The following VWA8 variants were observed in gnomAD, a reference collection of about 807,000 sequenced individuals.
VWA8 encodes von Willebrand factor A domain-containing protein 8.
In VWA8, 221 loss-of-function variants were observed where a neutral mutation model predicts 241.5. The ratio of observed to expected loss-of-function variants is 0.91; its 90% CI spans 0.82 to 1.02. VWA8 has a LOEUF of 1.02. Ranked by LOEUF, VWA8 falls within the 50% of genes least tolerant of loss-of-function variation. VWA8 has a pLI of 0.00. For synonymous variants in VWA8, 852 were observed against 827.1 expected (o/e 1.03, Z -0.52); for missense variants, 2,322 against 2,328.7 (o/e 1.00, Z 0.06).
In VWA8 at chr13:41,692,932, A is replaced by AG; in HGVS notation, c.3604dup (p.Leu1202ProfsTer14). Reference sequence around the variant, plus strand: ...CTCGGAAGGGAGGATGAGACGATGAAGGGCCCGGCCAGTAGTATCTAACAA... The same window carrying AG: ...CTCGGAAGGGAGGATGAGACGATGAAGGGGCCCGGCCAGTAGTATCTAACAA... On this transcript the variant is annotated frameshift_variant, in exon 30 of 45. Coordinates refer to ENST00000379310, the MANE Select transcript of VWA8 (RefSeq NM_015058.2). LOFTEE classifies it high-confidence loss of function. 1 of 1,611,008 alleles carries AG rather than the reference A, an allele frequency of 6.2e-7. No individual in the cohort carries two copies. The highest frequency in any genetic ancestry group is 8.5e-7 in the Non-Finnish European group (1 of 1,177,992).
At chr13:41,853,075 T>C (rs1409247626) in intron 12 of VWA8, among the ~76,000 whole-genome samples, 3 of 152,146 alleles carry the variant, frequency 2.0e-5, no homozygotes, top group Non-Finnish European at 2.9e-5. Flanking sequence ...GATCATGTCA[T>C]TTGGAAACAG....
chr13:41,874,135 C>T (rs11843268), intron 9 of VWA8, among the ~76,000 whole-genome samples: 13,864 of 150,476 alleles, frequency 0.092, 681 homozygotes, highest in African/African-American at 0.17. Context: ...AATTCAACAA[C>T]GCTTCATGCT....
intron 21 of VWA8, among the ~76,000 whole-genome samples, chr13:41,735,018 CAAAT>C (rs1220644255): frequency 6.6e-6 from 1 of 152,016 alleles, no homozygotes; most frequent in African/African-American, 2.4e-5. Context: ...TTTTTGCTAA[CAAAT>C]TAATTGTTAA....
chr13:41,827,317 A>G (rs1443545056), intron 14 of VWA8, among the ~76,000 whole-genome samples: 1 of 152,188 alleles, frequency 6.6e-6, no homozygotes, highest in Non-Finnish European at 1.5e-5. Context: ...TAATGAGACA[A>G]GAGGTGGTGA....
intron 35 of VWA8, among the ~76,000 whole-genome samples, chr13:41,680,024 TC>T (rs1394014674): frequency 6.6e-6 from 1 of 151,838 alleles, no homozygotes; most frequent in African/African-American, 2.4e-5. Context: ...CATTCCCCAA[TC>T]CCCCACTCCC....
At chr13:41,746,627 C>T (rs2137885704) in intron 21 of VWA8, among the ~76,000 whole-genome samples, 1 of 152,118 alleles carries the variant, frequency 6.6e-6, no homozygotes, top group East Asian at 1.9e-4. Context: ...GAAAACAAGG[C>T]TATTAAATTT....
chr13:41,891,382 G>T, intron 5 of VWA8, 38 bp downstream of exon 5: 1 of 1,612,124 alleles, frequency 6.2e-7, no homozygotes, highest in South Asian at 1.1e-5. Flanking sequence ...CCCATAGCTT[G>T]ACAGCAAAGA....
chr13:41,625,347 A>C (rs1032360367), intron 37 of VWA8, among the ~76,000 whole-genome samples: 7 of 152,194 alleles, frequency 4.6e-5, no homozygotes, highest in Admixed American at 3.3e-4. Flanking sequence ...CAAAGGGCTA[A>C]TATCCAGAAT....
chr13:41,668,380 G>C (rs544129332), intron 37 of VWA8, among the ~76,000 whole-genome samples: 1 of 152,302 alleles, frequency 6.6e-6, no homozygotes, highest in African/African-American at 2.4e-5. Context: ...CAGTGATGGG[G>C]AAGCTGCTTG....
chr13:41,620,017 A>G (rs1042720694), intron 37 of VWA8, among the ~76,000 whole-genome samples: 2 of 152,208 alleles, frequency 1.3e-5, no homozygotes, highest in South Asian at 2.1e-4. Flanking sequence ...CTCTTTTTCT[A>G]TTGATTGGAA....
Position 41,719,792 on chromosome 13 carries a change from A to G in VWA8, c.2965-50T>C, listed in dbSNP as rs777898250. On this transcript the variant is annotated intron_variant, in intron 25 of 44. Transcript: ENST00000379310. ...TTATGCATGTGATAAAATATACAACATTATAAAGATTTATGAAATGGATAG... is the reference window on the plus strand; with the variant it reads ...TTATGCATGTGATAAAATATACAACGTTATAAAGATTTATGAAATGGATAG... 3 of 1,505,208 alleles carry G rather than the reference A, an allele frequency of 2.0e-6. No individual in the cohort carries two copies. In the South Asian group the frequency reaches 3.7e-5, roughly 19 times the overall value. The allele number at this position is 1,505,208 out of a possible 1,614,324, so 93.2% of individuals were successfully genotyped here. A position where few individuals can be genotyped will look rare whatever the true frequency, so the allele number is the denominator to read the frequency against.
At chr13:41,620,848 T>A (rs73464961) in intron 37 of VWA8, among the ~76,000 whole-genome samples, 5,025 of 152,298 alleles carry the variant, frequency 0.033, 275 homozygotes, top group African/African-American at 0.11. Flanking sequence ...AACTTGCTGG[T>A]AAACTTTGGC....
intron 37 of VWA8, among the ~76,000 whole-genome samples, chr13:41,618,465 G>A (rs1293798816): frequency 1.3e-5 from 2 of 152,162 alleles, no homozygotes; most frequent in East Asian, 1.9e-4. Flanking sequence ...CTGTGCAGAA[G>A]CTCTTTAGTT....
At position 41,833,498 on chromosome 13, in the gene VWA8, A is replaced by T. The variant is rs998093353; in HGVS notation, c.1459T>A (p.Tyr487Asn). 3.1e-6 allele frequency: 5 copies of T among 1,613,504 alleles called. No homozygotes were observed. In the African/African-American group the frequency reaches 6.7e-5, roughly 22 times the overall value. Residue 487 changes from tyrosine (Y) to asparagine (N), a missense_variant, in exon 13 of 45, where the codon TAC (tyrosine) becomes AAC (asparagine). Transcript: ENST00000379310. ...MTARDLLQQRYTLPNGDTAWR... is the reference protein window; with the variant it reads ...MTARDLLQQRNTLPNGDTAWR... ...GCAGTGTCTCCATTTGGAAGGGTGT[A>T]TCTCTGCTGTAGCAGATCACGCGCT...
At chr13:41,934,278 T>A (rs1877253532) in intron 2 of VWA8, among the ~76,000 whole-genome samples, 1 of 151,946 alleles carries the variant, frequency 6.6e-6, no homozygotes, top group Non-Finnish European at 1.5e-5. Flanking sequence ...TACTACTACA[T>A]AACTATTTTA....
At chr13:41,869,116 T>G (rs1219349953) in intron 9 of VWA8, among the ~76,000 whole-genome samples, 1 of 152,166 alleles carries the variant, frequency 6.6e-6, no homozygotes, top group East Asian at 1.9e-4. Context: ...AAGGAGATGA[T>G]GAGACCCTTC....
chr13:41,798,606 G>A (rs1209798597), intron 17 of VWA8, among the ~76,000 whole-genome samples: 1 of 152,078 alleles, frequency 6.6e-6, no homozygotes, highest in South Asian at 2.1e-4. Context: ...ATGTATGTAG[G>A]TGTTGATTTG....
chr13:41,692,324 C>T (rs1217338253), intron 30 of VWA8, among the ~76,000 whole-genome samples: 2 of 151,958 alleles, frequency 1.3e-5, no homozygotes, highest in African/African-American at 2.4e-5. Flanking sequence ...TCTTTTAAGA[C>T]CTAAGTATGT....
chr13:41,818,209 C>T (rs556906500), intron 15 of VWA8, among the ~76,000 whole-genome samples: 15 of 151,344 alleles, frequency 9.9e-5, no homozygotes, highest in East Asian at 9.9e-4. Context: ...GTGATCTGCC[C>T]GCCTTGGCCT....
Sources: allele counts gnomAD v4.1 joint callset (sites outside exome capture counted in the v4.1 genomes callset), GRCh38; gene constraint gnomAD v4.1.1; transcripts MANE v1.5; gene names NCBI Gene and HGNC (gene_info 2026-07-23, HGNC 2026-07-21).